Variants in EIF4G3 observed in about 807,000 individuals in gnomAD.
The protein encoded by EIF4G3 is eukaryotic translation initiation factor 4 gamma 3.
A neutral mutation model predicts 186.4 loss-of-function variants in EIF4G3; 34 were observed. The ratio of observed to expected loss-of-function variants is 0.18; its 90% CI spans 0.14 to 0.24. The LOEUF is 0.24. EIF4G3 is among the 10% of genes least tolerant of loss of function. The pLI is 1.00. For missense variants in EIF4G3, 1,536 were observed against 1,948.5 expected, an observed-to-expected ratio of 0.79 and a Z score of 3.99; for synonymous variants, 673 against 679.5, an observed-to-expected ratio of 0.99 and a Z score of 0.15.
At chr1:20,812,742 T>A (rs2059506775) in intron 35 of EIF4G3, among the ~76,000 whole-genome samples, 1 of 152,212 alleles carries the variant, frequency 6.6e-6, no homozygotes, top group Admixed American at 6.5e-5. Context: ...GTTGATATTT[T>A]TTTCTTCATG....
At chr1:20,941,329 T>A in intron 14 of EIF4G3, 162 bp downstream of exon 14, 1 of 1,568,050 alleles carries the variant, frequency 6.4e-7, no homozygotes, top group Non-Finnish European at 8.7e-7. Flanking sequence ...CTTTTGCAGG[T>A]TGTACTAAAA....
chr1:21,017,627 CAAAAAAAAAAAAA>C (rs71014146), intron 4 of EIF4G3, among the ~76,000 whole-genome samples: 1 of 49,204 alleles, frequency 2.0e-5, no homozygotes, highest in African/African-American at 8.4e-5. Context: ...GACTCCGTCT[CAAAAAAAAAAAAA>C]AAAAAAAAAA....
intron 29 of EIF4G3, among the ~76,000 whole-genome samples, chr1:20,842,964 C>T (rs990110616): frequency 1.3e-5 from 2 of 151,764 alleles, no homozygotes; most frequent in Non-Finnish European, 2.9e-5. Context: ...CCCGCCTCAG[C>T]CTCCCAAGTA....
chr1:21,118,933 A>C (rs1183438441), intron 2 of EIF4G3, among the ~76,000 whole-genome samples: 2 of 9,164 alleles, frequency 2.2e-4, no homozygotes, highest in Non-Finnish European at 2.1e-3. Context: ...AGCTCTATTA[A>C]AAAAAAAAAA....
intron 4 of EIF4G3, among the ~76,000 whole-genome samples, chr1:21,013,738 T>C (rs1478765240): frequency 6.6e-6 from 1 of 152,174 alleles, no homozygotes; most frequent in African/African-American, 2.4e-5. Flanking sequence ...CCAGTGAATA[T>C]ACAAACACAG....
chr1:20,927,900 CAG>C (rs2095034845), intron 14 of EIF4G3, among the ~76,000 whole-genome samples: 2 of 152,124 alleles, frequency 1.3e-5, no homozygotes, highest in Non-Finnish European at 2.9e-5. Context: ...CTCTGTCACC[CAG>C]GCTGGAGAGC....
intron 18 of EIF4G3, among the ~76,000 whole-genome samples, chr1:20,887,447 C>T (rs1370166002): frequency 6.6e-6 from 1 of 152,120 alleles, no homozygotes; most frequent in African/African-American, 2.4e-5. Flanking sequence ...GGGGCCTAAG[C>T]TGATAAGCTC....
intron 12 of EIF4G3, among the ~76,000 whole-genome samples, chr1:20,958,756 C>T (rs538221171): frequency 5.1e-4 from 78 of 152,228 alleles, no homozygotes; most frequent in African/African-American, 1.7e-3. Context: ...ACACCAACAA[C>T]GACCAAGCTG....
intron 19 of EIF4G3, among the ~76,000 whole-genome samples, chr1:20,882,099 C>A (rs1009785937): frequency 6.6e-6 from 1 of 150,510 alleles, no homozygotes; most frequent in Non-Finnish European, 1.5e-5. Context: ...GGAGGTCAAG[C>A]CTTCAGTGAG....
intron 14 of EIF4G3, among the ~76,000 whole-genome samples, chr1:20,918,328 G>C (rs1388241232): frequency 1.3e-5 from 2 of 152,042 alleles, no homozygotes; most frequent in Admixed American, 6.6e-5. Context: ...TCCTGCTTTG[G>C]CCTCTTGAGT....
At chr1:20,904,112 G>A (rs896597230) in intron 15 of EIF4G3, among the ~76,000 whole-genome samples, 7 of 151,996 alleles carry the variant, frequency 4.6e-5, no homozygotes, top group Non-Finnish European at 1.0e-4. Flanking sequence ...GCAAAATCTC[G>A]CATGGCTTAT....
chr1:20,998,884 G>A (rs1203727855), intron 6 of EIF4G3: 3 of 404,390 alleles, frequency 7.4e-6, no homozygotes, highest in Non-Finnish European at 1.5e-5. Context: ...ATATGTCTTT[G>A]GCTCTCTTAT....
At chr1:20,971,929 G>C (rs550808520) in intron 11 of EIF4G3, among the ~76,000 whole-genome samples, 2 of 152,084 alleles carry the variant, frequency 1.3e-5, no homozygotes, top group African/African-American at 2.4e-5. Context: ...CACTGTACCC[G>C]GCCTGAACCT....
rs114648908 is a variant in EIF4G3 at position 21,154,230 on chromosome 1, T to C, written c.-272+21945A>G. On this transcript the variant is annotated intron_variant, in intron 2 of 36. Coordinates refer to ENST00000602326, the MANE Select transcript of EIF4G3 (RefSeq NM_001391906.1). ...CTGGTTGCAATAAACAAACTCTCTA[T>C]ATAGATCACTAATGTTATACATGCT... Among the ~76,000 whole-genome samples the C allele has an allele frequency of 8.5e-4, 129 of 152,292 alleles. 1 individual carries two copies. Among genetic ancestry groups the C allele is most frequent in the African/African-American group, 2.9e-3 (121 of 41,574 alleles).
intron 2 of EIF4G3, among the ~76,000 whole-genome samples, chr1:21,112,523 GA>G (rs1023794149): frequency 6.6e-6 from 1 of 150,590 alleles, no homozygotes; most frequent in Non-Finnish European, 1.5e-5. Context: ...CCCTTACTGA[GA>G]AAAAAAAATC....
intron 2 of EIF4G3, among the ~76,000 whole-genome samples, chr1:21,165,308 T>C (rs1359328753): frequency 6.6e-6 from 1 of 152,238 alleles, no homozygotes; most frequent in Non-Finnish European, 1.5e-5. Flanking sequence ...TTACCTCATA[T>C]AACCCAGCAA....
intron 14 of EIF4G3, among the ~76,000 whole-genome samples, chr1:20,910,074 C>A (rs535314988): frequency 2.0e-5 from 3 of 152,130 alleles, no homozygotes; most frequent in South Asian, 4.1e-4. Flanking sequence ...TGAGCCACTG[C>A]CACACTTGAC....
At chr1:20,906,265 T>C (rs143927298) in intron 14 of EIF4G3, among the ~76,000 whole-genome samples, 14 of 152,314 alleles carry the variant, frequency 9.2e-5, no homozygotes, top group Admixed American at 5.9e-4. Flanking sequence ...TTCTACTGAA[T>C]ACATATATTC....
chr1:20,972,634 CA>C (rs1296925024), intron 11 of EIF4G3, among the ~76,000 whole-genome samples: 48 of 138,204 alleles, frequency 3.5e-4, no homozygotes, highest in Non-Finnish European at 3.3e-4. Context: ...GACTCCATCT[CA>C]AAAAAAAAAA....
Sources: gnomAD v4.1 joint callset for allele counts (sites outside exome capture counted in the v4.1 genomes callset) on GRCh38, gnomAD v4.1.1 for gene constraint, MANE v1.5 for transcripts, NCBI Gene and HGNC (gene_info 2026-07-23, HGNC 2026-07-21) for gene names.